Variants in PHF20 observed in about 807,000 individuals in gnomAD.
PHF20 encodes glioma-expressed antigen 2.
A neutral mutation model predicts 113.5 loss-of-function variants in PHF20; 23 were observed. The ratio of observed to expected loss-of-function variants is 0.20; its 90% CI spans 0.15 to 0.29. The LOEUF is 0.29. Ranked by LOEUF, PHF20 falls within the 10% of genes least tolerant of loss-of-function variation. The probability of loss-of-function intolerance (pLI) is 1.00; values close to 1 mark genes in which losing one functional copy is unlikely to be tolerated. For missense variants in PHF20, 943 were observed against 1,219.6 expected, an observed-to-expected ratio of 0.77 and a Z score of 3.38; for synonymous variants, 434 against 457.3, an observed-to-expected ratio of 0.95 and a Z score of 0.65.
chr20:35,918,356 T>G (rs1003680291), intron 13 of PHF20, among the ~76,000 whole-genome samples: 1 of 151,848 alleles, frequency 6.6e-6, no homozygotes, highest in Non-Finnish European at 1.5e-5. Context: ...TGGTTAGGAT[T>G]TTTTTTTAGG....
intron 1 of PHF20, among the ~76,000 whole-genome samples, chr20:35,784,387 C>G (rs539279872): frequency 1.3e-5 from 2 of 149,348 alleles, no homozygotes; most frequent in Non-Finnish European, 3.0e-5. Flanking sequence ...ACACACAAAA[C>G]TAACAGTAAT....
At chr20:35,829,528 T>C (rs554310435) in intron 2 of PHF20, among the ~76,000 whole-genome samples, 9 of 151,924 alleles carry the variant, frequency 5.9e-5, no homozygotes, top group Admixed American at 5.9e-4. Context: ...GTATTTTTAG[T>C]AGAGATGATG....
chr20:35,852,442 G>C (rs2042749661), intron 4 of PHF20, among the ~76,000 whole-genome samples: 3 of 152,152 alleles, frequency 2.0e-5, no homozygotes, highest in Admixed American at 2.0e-4. Flanking sequence ...AGAAGTCAAA[G>C]AGGGAGTGGG....
At chr20:35,783,064 T>C (rs551233016) in intron 1 of PHF20, among the ~76,000 whole-genome samples, 42 of 151,744 alleles carry the variant, frequency 2.8e-4, no homozygotes, top group African/African-American at 9.9e-4. Flanking sequence ...TTTGGCATGG[T>C]GGTGCACGCC....
At chr20:35,865,512 T>G (rs1422524567) in intron 6 of PHF20, among the ~76,000 whole-genome samples, 1 of 131,000 alleles carries the variant, frequency 7.6e-6, no homozygotes, top group East Asian at 2.1e-4. Context: ...TTTTTTTTTT[T>G]TTTTTTTTTT....
At chr20:35,783,467 G>A (rs1452144126) in intron 1 of PHF20, among the ~76,000 whole-genome samples, 10 of 151,754 alleles carry the variant, frequency 6.6e-5, no homozygotes, top group Admixed American at 1.3e-4. Flanking sequence ...TCAGGTTGGA[G>A]TGCAGTGGCA....
intron 1 of PHF20, among the ~76,000 whole-genome samples, chr20:35,773,768 A>G (rs1055403210): frequency 1.3e-5 from 2 of 152,148 alleles, no homozygotes; most frequent in Admixed American, 6.5e-5. Flanking sequence ...AGTGGAAACC[A>G]TTTCTTTGGT....
chr20:35,912,387 G>A (rs914277107), intron 10 of PHF20, among the ~76,000 whole-genome samples: 4 of 152,202 alleles, frequency 2.6e-5, no homozygotes, highest in Non-Finnish European at 4.4e-5. Context: ...GAAGGGAGAA[G>A]TTTGGACAGG....
At chr20:35,869,226 T>C (rs771690926) in intron 6 of PHF20, among the ~76,000 whole-genome samples, 10 of 152,300 alleles carry the variant, frequency 6.6e-5, no homozygotes, top group Non-Finnish European at 2.9e-5. Flanking sequence ...AGGAGGTCAA[T>C]TGGCAAGGTA....
chr20:35,873,064 T>G (rs1299505687), intron 9 of PHF20, among the ~76,000 whole-genome samples: 2 of 152,174 alleles, frequency 1.3e-5, no homozygotes, highest in South Asian at 2.1e-4. Context: ...CATTTTTGCT[T>G]TGTGTATTTT....
chr20:35,870,760 T>A (rs1473666486), intron 7 of PHF20, among the ~76,000 whole-genome samples, 195 bp from the exon 8 acceptor site: 1 of 152,112 alleles, frequency 6.6e-6, no homozygotes, highest in African/African-American at 2.4e-5. Flanking sequence ...GAAGTGAAAT[T>A]CTATCCTGGC....
chr20:35,854,157 ATCCCTATGTCTTTGG>A (rs1209777154), intron 4 of PHF20, among the ~76,000 whole-genome samples: 1 of 152,218 alleles, frequency 6.6e-6, no homozygotes, highest in Non-Finnish European at 1.5e-5. Context: ...CCCATGTATT[ATCCCTATGTCTTTGG>A]TCCTAGAGAA....
At chr20:35,831,514 T>G (rs984343426) in intron 2 of PHF20, among the ~76,000 whole-genome samples, 5 of 152,094 alleles carry the variant, frequency 3.3e-5, no homozygotes, top group Admixed American at 3.3e-4. Context: ...CAGGCTGGAG[T>G]GCAGTGGTGT....
At chr20:35,781,656 A>C (rs2041299159) in intron 1 of PHF20, among the ~76,000 whole-genome samples, 1 of 152,144 alleles carries the variant, frequency 6.6e-6, no homozygotes, top group East Asian at 1.9e-4. Context: ...TCAAAATTGA[A>C]ACTCTGGGCC....
At chr20:35,872,369 A>G (rs2054437655) in intron 9 of PHF20, among the ~76,000 whole-genome samples, 1 of 152,124 alleles carries the variant, frequency 6.6e-6, no homozygotes, top group African/African-American at 2.4e-5. Context: ...CTAAAAATAC[A>G]AAAATTAGCT....
At chr20:35,943,070 A>T (rs895636169) in intron 17 of PHF20, among the ~76,000 whole-genome samples, 2 of 152,078 alleles carry the variant, frequency 1.3e-5, no homozygotes, top group African/African-American at 2.4e-5. Context: ...TGATCCGCCC[A>T]CCTTGGCCTC....
At chr20:35,873,965 A>C (rs866662488) in intron 9 of PHF20, among the ~76,000 whole-genome samples, 11 of 152,092 alleles carry the variant, frequency 7.2e-5, no homozygotes, top group Non-Finnish European at 1.5e-4. Flanking sequence ...CCTTTTTAAA[A>C]AATTTTTTAT....
At chr20:35,931,550 T>A in intron 15 of PHF20, 106 bp downstream of exon 15, 1 of 807,742 alleles carries the variant, frequency 1.2e-6, no homozygotes, top group Non-Finnish European at 1.9e-6. Flanking sequence ...ATCATAAAAC[T>A]GAGTTTGAGA....
intron 12 of PHF20, among the ~76,000 whole-genome samples, chr20:35,916,379 T>C (rs2055403711): frequency 6.6e-6 from 1 of 152,250 alleles, no homozygotes; most frequent in African/African-American, 2.4e-5. Context: ...TTAGCTGTGA[T>C]TATAACTAAT....
Sources: gnomAD v4.1 joint callset for allele counts (sites outside exome capture counted in the v4.1 genomes callset) on GRCh38, gnomAD v4.1.1 for gene constraint, MANE v1.5 for transcripts, NCBI Gene and HGNC (gene_info 2026-07-23, HGNC 2026-07-21) for gene names.